Variants in KIRREL1 observed in about 807,000 individuals in gnomAD.
The protein encoded by KIRREL1 is kin of IRRE-like protein 1.
In KIRREL1, 25 loss-of-function variants were observed where a neutral mutation model predicts 83.3. The observed-to-expected ratio is 0.30, with a 90% CI of 0.22 to 0.42. The LOEUF is 0.42. Ranked by LOEUF, KIRREL1 falls within the 10% of genes least tolerant of loss-of-function variation. The probability of loss-of-function intolerance (pLI) is 1.00; values close to 1 mark genes in which losing one functional copy is unlikely to be tolerated. For missense variants in KIRREL1, 812 were observed against 1,032.3 expected (o/e 0.79, Z 2.92); for synonymous variants, 388 against 410.4 (o/e 0.95, Z 0.66).
intron 1 of KIRREL1, among the ~76,000 whole-genome samples, chr1:158,023,690 C>T (rs1474525974): frequency 6.6e-6 from 1 of 152,182 alleles, no homozygotes; most frequent in African/African-American, 2.4e-5. Context: ...CATTTTACTG[C>T]TCTAACATTC....
At chr1:158,093,087 G>C (rs1355766433) in intron 11 of KIRREL1, among the ~76,000 whole-genome samples, 1 of 152,142 alleles carries the variant, frequency 6.6e-6, no homozygotes, top group East Asian at 1.9e-4. Flanking sequence ...CCAGCTGCAG[G>C]GATGAGACAT....
At chr1:158,033,565 C>T (rs1371937682) in intron 1 of KIRREL1, among the ~76,000 whole-genome samples, 1 of 152,244 alleles carries the variant, frequency 6.6e-6, no homozygotes, top group Non-Finnish European at 1.5e-5. Context: ...TATTGCTCCT[C>T]ATGCTCCCAC....
intron 1 of KIRREL1, among the ~76,000 whole-genome samples, chr1:158,021,694 C>T (rs1194997079): frequency 1.3e-5 from 2 of 152,206 alleles, no homozygotes; most frequent in Non-Finnish European, 2.9e-5. Flanking sequence ...CAGTCTCCCT[C>T]CCTTTCCTGG....
At chr1:158,071,280 G>C (rs1300170799) in intron 1 of KIRREL1, among the ~76,000 whole-genome samples, 1 of 152,134 alleles carries the variant, frequency 6.6e-6, no homozygotes. Context: ...CTCTGCCTCT[G>C]CGTGGGTGTC....
chr1:158,050,589 G>T (rs1177569218), intron 1 of KIRREL1, among the ~76,000 whole-genome samples: 1 of 152,114 alleles, frequency 6.6e-6, no homozygotes, highest in Non-Finnish European at 1.5e-5. Flanking sequence ...TTGTTTAAGG[G>T]ACCACTGAGC....
chr1:158,034,163 C>T (rs1660405742), intron 1 of KIRREL1, among the ~76,000 whole-genome samples: 1 of 150,376 alleles, frequency 6.6e-6, no homozygotes, highest in Admixed American at 6.6e-5. Flanking sequence ...ATCCCAGCTA[C>T]TCAGGAGGCT....
intron 1 of KIRREL1, among the ~76,000 whole-genome samples, chr1:157,998,647 C>T (rs1393555804): frequency 3.3e-5 from 5 of 152,168 alleles, no homozygotes; most frequent in Non-Finnish European, 7.3e-5. Flanking sequence ...AGGGGATAAT[C>T]CTGAGACCAG....
chr1:158,030,855 C>A (rs114152559), intron 1 of KIRREL1: 1 of 152,248 alleles, frequency 6.6e-6, no homozygotes, highest in East Asian at 1.9e-4. Context: ...GAGTCAAGAT[C>A]CCCAGGAGTA....
intron 1 of KIRREL1, among the ~76,000 whole-genome samples, chr1:158,048,701 C>T (rs555896377): frequency 6.6e-6 from 1 of 152,166 alleles, no homozygotes; most frequent in Non-Finnish European, 1.5e-5. Flanking sequence ...GTCAGCGGTT[C>T]AAGGCAGGCC....
At chr1:158,086,484 C>A in intron 4 of KIRREL1, 112 bp from the exon 5 acceptor site, 1 of 1,039,718 alleles carries the variant, frequency 9.6e-7, no homozygotes, top group Admixed American at 2.4e-5. Context: ...GGGGATTGAG[C>A]TTTAAGTTAA....
intron 1 of KIRREL1, among the ~76,000 whole-genome samples, chr1:158,020,445 TC>T (rs1455404513): frequency 6.6e-6 from 1 of 151,988 alleles, no homozygotes; most frequent in Admixed American, 6.6e-5. Flanking sequence ...TTCCAAAAGA[TC>T]ATACATTCTG....
rs779606574 is a variant in KIRREL1 at position 158,093,364 on chromosome 1, T to C, written c.1497T>C (p.Ala499=). Residue 499 remains alanine (A), a synonymous_variant, in exon 12 of 15, where the codon GCT becomes GCC. Transcript: ENST00000359209. The part of the protein sequence containing the change: ...EREVLPVGII[A]GATIGASILL... ...AGGTGTTACCTGTGGGCATCATAGC[T>C]GGGGCCACCATCGGCGCGAGCATCC... The C allele has an allele frequency of 3.1e-6, 5 of 1,614,104 alleles. No homozygotes were observed. The African/African-American group carries it at 6.7e-5, about 22-fold the overall frequency.
chr1:158,063,410 A>G (rs1661268506), intron 1 of KIRREL1, among the ~76,000 whole-genome samples: 1 of 152,244 alleles, frequency 6.6e-6, no homozygotes, highest in Non-Finnish European at 1.5e-5. Context: ...CCTCAGGAGT[A>G]TTCAGATTGC....
At chr1:158,012,281 G>A (rs1287086734) in intron 1 of KIRREL1, among the ~76,000 whole-genome samples, 1 of 152,108 alleles carries the variant, frequency 6.6e-6, no homozygotes, top group African/African-American at 2.4e-5. Flanking sequence ...AATGATGCCT[G>A]AGGCCAGATG....
At chr1:158,019,503 T>G (rs762638736) in intron 1 of KIRREL1, among the ~76,000 whole-genome samples, 6 of 151,994 alleles carry the variant, frequency 3.9e-5, no homozygotes, top group Non-Finnish European at 8.8e-5. Context: ...GGTGACTATA[T>G]GGGGGTCGCA....
At chr1:158,040,089 T>A (rs1268937473) in intron 1 of KIRREL1, among the ~76,000 whole-genome samples, 2 of 152,252 alleles carry the variant, frequency 1.3e-5, no homozygotes, top group Non-Finnish European at 2.9e-5. Flanking sequence ...CACAAATTGT[T>A]GCTTTCCTTC....
In KIRREL1 at chr1:158,095,077, A is replaced by C. The variant is rs777686009; in HGVS notation, c.2231A>C (p.Asp744Ala). The C allele has an allele frequency of 3.1e-6, 5 of 1,610,800 alleles. No homozygotes were observed. The highest frequency in any genetic ancestry group is 4.2e-6 in the Non-Finnish European group (5 of 1,177,766). The change falls in exon 15 of 15, where the codon GAC becomes GCC. Residue 744 changes from aspartate to alanine, a missense_variant. Asp to Ala is a moderately radical substitution (Grantham distance 126). Transcript: ENST00000359209. ...TTCTCCTACACCTCCCAGCACTCGG[A>C]CTACGGCCAGCGATTCCAGCAGCGC... ...TRFSYTSQHS[D>A]YGQRFQQRMQ...
chr1:158,086,951 TC>T (rs1662035587), intron 5 of KIRREL1, among the ~76,000 whole-genome samples: 1 of 152,082 alleles, frequency 6.6e-6, no homozygotes, highest in Non-Finnish European at 1.5e-5. Context: ...AGTCAGGCAG[TC>T]CCCAGGTCTA....
chr1:158,092,345 C>CTTTTTTTTTTTT (rs11430850), intron 11 of KIRREL1, among the ~76,000 whole-genome samples: 5 of 110,922 alleles, frequency 4.5e-5, no homozygotes, highest in African/African-American at 1.8e-4. Context: ...TCACTTCAGT[C>CTTTTTTTTTTTT]TTTTTTTTTT....
Sources: gnomAD v4.1 joint callset for allele counts (sites outside exome capture counted in the v4.1 genomes callset) on GRCh38, gnomAD v4.1.1 for gene constraint, MANE v1.5 for transcripts, NCBI Gene and HGNC (gene_info 2026-07-23, HGNC 2026-07-21) for gene names.